Variants in NCOR1 observed in about 807,000 individuals in gnomAD.
The protein encoded by NCOR1 is nuclear receptor corepressor 1, also known as protein phosphatase 1, regulatory subunit 109.
NCOR1 carries 63 observed loss-of-function variants against 288.1 expected under a neutral mutation model. The observed-to-expected ratio is 0.22, with a 90% confidence interval of 0.18 to 0.27. The LOEUF (loss-of-function observed/expected upper bound fraction) is 0.27, where lower values mean the gene tolerates loss of function less well. NCOR1 is among the 10% of genes least tolerant of loss of function. NCOR1 has a pLI of 1.00. For missense variants in NCOR1, 2,397 were observed against 3,019.2 expected (o/e 0.79, Z 4.83); for synonymous variants, 1,007 against 1,065.9 (o/e 0.94, Z 1.08).
At chr17:16,197,225 G>C (rs975088519) in intron 1 of NCOR1, among the ~76,000 whole-genome samples, 11 of 151,852 alleles carry the variant, frequency 7.2e-5, no homozygotes, top group Admixed American at 5.9e-4. Context: ...GGAGGCTGAG[G>C]CAGGAGAATC....
At chr17:16,164,439 AC>A (rs2081582404) in intron 5 of NCOR1, among the ~76,000 whole-genome samples, 1 of 152,134 alleles carries the variant, frequency 6.6e-6, no homozygotes, top group Admixed American at 6.5e-5. Context: ...CACATAAGGA[AC>A]CCAAATAACC....
At chr17:16,155,304 T>A (rs2079547706) in intron 6 of NCOR1, among the ~76,000 whole-genome samples, 1 of 145,258 alleles carries the variant, frequency 6.9e-6, no homozygotes, top group Non-Finnish European at 1.5e-5. Context: ...TGAGCCAAGA[T>A]CGTGCCACTG....
chr17:16,092,685 ATATATATATATTTTTT>A lies in NCOR1; in HGVS notation c.2821-643_2821-628del, dbSNP rs1396483903. ...TATATATATATATATATATATATAT[ATATATATATATTTTTT>A]TTTTTTTTTTTTTTTAAGACATAGT... On this transcript the variant is annotated intron_variant, in intron 21 of 45. Coordinates refer to ENST00000268712, the MANE Select transcript of NCOR1 (RefSeq NM_006311.4). Among the ~76,000 whole-genome samples, 19 of 13,846 alleles carry A rather than the reference ATATATATATATTTTTT, an allele frequency of 1.4e-3. 1 individual carries two copies. Among genetic ancestry groups the A allele is most frequent in the African/African-American group, 5.6e-3 (17 of 3,046 alleles). 9.1% of individuals were successfully genotyped at this position (13,846 alleles called of 152,430 possible).
At chr17:16,208,362 G>A (rs768054148) in intron 1 of NCOR1, among the ~76,000 whole-genome samples, 6 of 150,250 alleles carry the variant, frequency 4.0e-5, no homozygotes, top group African/African-American at 1.2e-4. Context: ...CTGGCCAACC[G>A]TTCTGTATTT....
intron 22 of NCOR1, chr17:16,091,453 T>A: frequency 1.6e-6 from 1 of 624,634 alleles, no homozygotes. Flanking sequence ...TGATTGGAAA[T>A]ATCCACTACA....
chr17:16,117,776 T>G (rs543904758), intron 18 of NCOR1, 112 bp downstream of exon 18: 1 of 1,143,156 alleles, frequency 8.7e-7, no homozygotes, highest in Non-Finnish European at 1.2e-6. Context: ...GAGCCAAGAT[T>G]GCACTGCTGC....
At chr17:16,158,944 A>G (rs1049814097) in intron 5 of NCOR1, 71 bp from the exon 6 acceptor site, 3 of 1,023,690 alleles carry the variant, frequency 2.9e-6, no homozygotes, top group South Asian at 2.8e-5. Flanking sequence ...ACCACTGGAG[A>G]TAACACAGGC....
In NCOR1 at chr17:16,070,384, G is replaced by A. The variant is rs755828055; in HGVS notation, c.4294C>T (p.Arg1432Trp). 13 of 1,613,952 alleles carry A rather than the reference G, an allele frequency of 8.1e-6. No homozygotes were observed. Among genetic ancestry groups the A allele is most frequent in the African/African-American group, 2.7e-5 (2 of 74,892 alleles). The part of the protein sequence containing the change: ...IVPENIKVVE[R>W]GKYEDVKAGE... ...GCTTTCACATCCTCATATTTTCCCCGTTCTACCACTTTTATGTTCTCTGGC... is the reference window on the plus strand; with the variant it reads ...GCTTTCACATCCTCATATTTTCCCCATTCTACCACTTTTATGTTCTCTGGC... Residue 1432 changes from arginine to tryptophan, a missense_variant, in exon 31 of 46, where the codon CGG becomes TGG. This residue lies in a region of NCOR1 where 1,872 missense variants were observed against 2,187.8 expected (regional missense o/e 0.86). Coordinates refer to ENST00000268712, the MANE Select transcript of NCOR1 (RefSeq NM_006311.4).
intron 40 of NCOR1, among the ~76,000 whole-genome samples, chr17:16,056,455 GC>G (rs371815288): frequency 4.4e-4 from 67 of 151,970 alleles, no homozygotes; most frequent in Admixed American, 2.0e-3. Flanking sequence ...GGGATTACAG[GC>G]ACCTGCCATC....
chr17:16,101,069 G>T (rs891714000), intron 20 of NCOR1, among the ~76,000 whole-genome samples, 181 bp downstream of exon 20: 1 of 152,210 alleles, frequency 6.6e-6, no homozygotes, highest in Non-Finnish European at 1.5e-5. Flanking sequence ...TCATTAAAAT[G>T]ATCATACAAT....
intron 19 of NCOR1, among the ~76,000 whole-genome samples, chr17:16,105,312 G>A (rs963443714): frequency 6.6e-6 from 1 of 152,158 alleles, no homozygotes; most frequent in African/African-American, 2.4e-5. Flanking sequence ...AGATACTTGG[G>A]GGGATGAGGT....
chr17:16,064,079 T>C lies in NCOR1; in HGVS notation c.5210A>G (p.Tyr1737Cys), dbSNP rs115674252. Residue 1737 changes from tyrosine (Y) to cysteine (C), a missense_variant, in exon 35 of 46, where the codon TAC (tyrosine) becomes TGC (cysteine). Transcript: ENST00000268712. Reference protein sequence around the residue: ...ERIAAASSDLYLRPGSEQPGR... With the variant: ...ERIAAASSDLCLRPGSEQPGR... ...TGCCTTTCACTGACCTGGCCGCAGGTAGAGGTCGGAGGAAGCTGCAGCAAT... is the reference window on the plus strand; with the variant it reads ...TGCCTTTCACTGACCTGGCCGCAGGCAGAGGTCGGAGGAAGCTGCAGCAAT... 2.4e-5 allele frequency: 38 copies of C among 1,614,000 alleles called. No homozygotes were observed. The African/African-American group carries it at 2.8e-4, about 12-fold the overall frequency.
rs768041571 is a variant in NCOR1 at position 16,137,448 on chromosome 17, A to G, written c.1408-36T>C. Reference sequence around the variant, plus strand: ...TAAAACAATTATTTTTGAGGATCCAATGAAATAAAGAAATTTTTTAATTAA... The same window carrying G: ...TAAAACAATTATTTTTGAGGATCCAGTGAAATAAAGAAATTTTTTAATTAA... On this transcript the variant is annotated intron_variant, in intron 13 of 45. Transcript: ENST00000268712. 6.7e-6 allele frequency: 8 copies of G among 1,187,872 alleles called. No homozygotes were observed. The Admixed American group carries it at 1.6e-4, about 24-fold the overall frequency. The allele number at this position is 1,187,872 out of a possible 1,614,324, so 73.6% of individuals were successfully genotyped here.
intron 14 of NCOR1, among the ~76,000 whole-genome samples, chr17:16,127,524 C>T (rs1030073806): frequency 5.4e-5 from 7 of 130,172 alleles, no homozygotes; most frequent in East Asian, 2.1e-4. Context: ...TATATACACA[C>T]GTGTATATAT....
intron 35 of NCOR1, among the ~76,000 whole-genome samples, chr17:16,063,490 G>A (rs1291075827): frequency 6.6e-6 from 1 of 152,092 alleles, no homozygotes; most frequent in Non-Finnish European, 1.5e-5. Flanking sequence ...GCTTATCTGA[G>A]TATTTCTATG....
intron 34 of NCOR1, 84 bp from the exon 35 acceptor site, chr17:16,064,271 A>C (rs569525408): frequency 7.1e-5 from 106 of 1,501,468 alleles, no homozygotes; most frequent in Non-Finnish European, 9.2e-5. Context: ...TAAGTGACTG[A>C]AAATTTTTCA....
chr17:16,181,235 G>A lies in NCOR1; in HGVS notation c.242+5319C>T, dbSNP rs1335837359. 6.9e-3 allele frequency among the ~76,000 whole-genome samples: 1,038 copies of A among 151,498 alleles called. 13 individuals carry two copies. The highest frequency in any genetic ancestry group is 0.033 in the East Asian group (172 of 5,138). ...TATGTGTGTGTGTGTGTGTGTGTGT[G>A]TGTGTGTGTGTGTGTGTGTATAAAT... On this transcript the variant is annotated intron_variant, in intron 3 of 45. Transcript: ENST00000268712.
chr17:16,150,704 G>GA (rs555399256), intron 8 of NCOR1, among the ~76,000 whole-genome samples: 2,215 of 136,892 alleles, frequency 0.016, 28 homozygotes, highest in East Asian at 0.053. Flanking sequence ...GGCTTTGTGG[G>GA]AAAAAAAAAA....
intron 40 of NCOR1, among the ~76,000 whole-genome samples, chr17:16,052,514 A>T (rs1396936784): frequency 6.6e-6 from 1 of 152,204 alleles, no homozygotes; most frequent in Non-Finnish European, 1.5e-5. Flanking sequence ...GAAATGGATA[A>T]ATTTCTGGTC....
Sources: gnomAD v4.1 joint callset for allele counts (sites outside exome capture counted in the v4.1 genomes callset) on GRCh38, gnomAD v4.1.1 for gene constraint, gnomAD v4.1.1 regional missense constraint, MANE v1.5 for transcripts, NCBI Gene and HGNC (gene_info 2026-07-23, HGNC 2026-07-21) for gene names.